Variants in MYO18A observed in about 807,000 individuals in gnomAD.
MYO18A encodes the protein myosin XVIIIA, also known as unconventional myosin-XVIIIa.
A neutral mutation model predicts 235.8 loss-of-function variants in MYO18A; 78 were observed. That is an observed-to-expected ratio of 0.33 (90% CI 0.28 to 0.40). The LOEUF is 0.40. Among genes scored for constraint, MYO18A ranks in the 10% least tolerant of loss-of-function variants. The pLI is 1.00. For missense variants in MYO18A, 2,215 were observed against 2,699.3 expected, an observed-to-expected ratio of 0.82 and a Z score of 3.98; for synonymous variants, 977 against 1,077.8, an observed-to-expected ratio of 0.91 and a Z score of 1.83.
chr17:29,100,589 C>T (rs564077136), intron 21 of MYO18A, among the ~76,000 whole-genome samples: 32 of 152,250 alleles, frequency 2.1e-4, no homozygotes, highest in African/African-American at 6.3e-4. Flanking sequence ...ATTTGCCACA[C>T]GCCACAAAGG....
intron 2 of MYO18A, among the ~76,000 whole-genome samples, chr17:29,134,321 G>A (rs2067542771): frequency 6.6e-6 from 1 of 152,160 alleles, no homozygotes; most frequent in Admixed American, 6.5e-5. Context: ...GACCTCAGGT[G>A]ATCCACCCGC....
rs1395679478 is a variant in MYO18A at position 29,121,886 on chromosome 17, C to T, written c.1159G>A (p.Ala387Thr). The T allele has an allele frequency of 2.5e-6, 4 of 1,613,938 alleles. No homozygotes were observed. The South Asian group carries it at 3.3e-5, about 13-fold the overall frequency. ...TCATCCTCATCCACATCCAGGATGG[C>T]CCCATCGTGGTCCAGCTTCACACGC... is the stretch of plus-strand genomic sequence containing the variant. ...KVRVKLDHDG[A>T]ILDVDEDDVE... The change falls in exon 4 of 42, where the codon GCC becomes ACC. Residue 387 changes from alanine to threonine, a missense_variant. Coordinates refer to ENST00000527372, the MANE Select transcript of MYO18A (RefSeq NM_078471.4). This position sits in a 1 kb window ranked among gnomAD's most constrained non-coding sequence, Gnocchi z 4.2.
chr17:29,078,888 A>C (rs909371129), intron 41 of MYO18A: 10 of 152,306 alleles, frequency 6.6e-5, no homozygotes, highest in Non-Finnish European at 2.9e-5. Flanking sequence ...GAACTTTACA[A>C]GATGAGTAGA....
Position 29,140,403 on chromosome 17 carries a change from C to G in MYO18A, c.1000-18150G>C, listed in dbSNP as rs1381134673. 1.6e-5 allele frequency: 20 copies of G among 1,283,088 alleles called. No homozygotes were observed. The highest frequency in any genetic ancestry group is 1.1e-4 in the East Asian group (2 of 17,520). 79.5% of individuals were successfully genotyped at this position (1,283,088 alleles called of 1,614,324 possible). On this transcript the variant is annotated intron_variant, in intron 2 of 41. Coordinates refer to ENST00000527372, the MANE Select transcript of MYO18A (RefSeq NM_078471.4). This position sits in a 1 kb window ranked among gnomAD's most constrained non-coding sequence, Gnocchi z 4.2. ...CTCCGCTCTGATGCTGCTCTGGCTCCGTTAGCAGCTCAAAATAGCACAGGC... is the reference window on the plus strand; with the variant it reads ...CTCCGCTCTGATGCTGCTCTGGCTCGGTTAGCAGCTCAAAATAGCACAGGC...
chr17:29,092,762 A>T lies in MYO18A; in HGVS notation c.5073+93T>A. ...TTTCCTGTCACTTTCCTTCCCAAGGACTCAAGAACCACTGAGAGGAGCGAG... is the reference window on the plus strand; with the variant it reads ...TTTCCTGTCACTTTCCTTCCCAAGGTCTCAAGAACCACTGAGAGGAGCGAG... On this transcript the variant is annotated intron_variant, in intron 33 of 41. Transcript: ENST00000527372. 5 of 1,508,132 alleles carry T rather than the reference A, an allele frequency of 3.3e-6. No homozygotes were observed. The South Asian group carries it at 6.3e-5, about 19-fold the overall frequency. The allele number at this position is 1,508,132 out of a possible 1,614,324, so 93.4% of individuals were successfully genotyped here.
At position 29,125,833 on chromosome 17, in the gene MYO18A, C is replaced by T. The variant is rs1052556997; in HGVS notation, c.1000-3580G>A. On this transcript the variant is annotated intron_variant, in intron 2 of 41. Coordinates refer to ENST00000527372, the MANE Select transcript of MYO18A (RefSeq NM_078471.4). The surrounding 1 kb of genome is among the most constrained non-coding windows in gnomAD (Gnocchi z 5.1). ...GCCTACAGACACACACAGGGTCCTG[C>T]CGCCAGCCTCAGGAAGAGGGCGGCC... 8 of 897,794 alleles carry T rather than the reference C, an allele frequency of 8.9e-6. No homozygotes were observed. Among genetic ancestry groups the T allele is most frequent in the Non-Finnish European group, 9.3e-6 (7 of 749,084 alleles). The allele number at this position is 897,794 out of a possible 1,614,324, so 55.6% of individuals were successfully genotyped here.
intron 19 of MYO18A, 60 bp from the exon 20 acceptor site, chr17:29,107,249 T>C: frequency 1.3e-6 from 2 of 1,492,364 alleles, no homozygotes; most frequent in Non-Finnish European, 9.3e-7. Flanking sequence ...CACACCCCAG[T>C]AGCCACTGTG....
intron 25 of MYO18A, 48 bp downstream of exon 25, chr17:29,098,057 G>A: frequency 1.9e-6 from 3 of 1,606,114 alleles, no homozygotes; most frequent in Non-Finnish European, 2.5e-6. Context: ...TGGGCACTAG[G>A]GTATGGCAGT....
chr17:29,138,433 GAGGGC>G, intron 2 of MYO18A, among the ~76,000 whole-genome samples: 1 of 152,166 alleles, frequency 6.6e-6, no homozygotes, highest in Non-Finnish European at 1.5e-5. Flanking sequence ...CAGAGGCACA[GAGGGC>G]AGCTCCCAGG....
At chr17:29,115,484 C>A (rs568179971) in intron 12 of MYO18A, 43 bp from the exon 13 acceptor site, 4 of 1,594,676 alleles carry the variant, frequency 2.5e-6, no homozygotes, top group East Asian at 2.3e-5. Context: ...CTCCCCAGGG[C>A]TCCCCATCTG....
chr17:29,116,137 A>G (rs1172070269), intron 11 of MYO18A, among the ~76,000 whole-genome samples: 1 of 152,248 alleles, frequency 6.6e-6, no homozygotes, highest in Non-Finnish European at 1.5e-5. Context: ...GGGATGCCCA[A>G]CTAGGGGAAG....
intron 2 of MYO18A, among the ~76,000 whole-genome samples, chr17:29,154,101 AGTGTGT>A (rs61393170): frequency 6.7e-6 from 1 of 150,288 alleles, no homozygotes; most frequent in Non-Finnish European, 1.5e-5. Flanking sequence ...AATTCTGCAG[AGTGTGT>A]GTGTGTGTGT....
chr17:29,118,315 A>G lies in MYO18A; in HGVS notation c.1893+62T>C. 2 of 1,571,318 alleles carry G rather than the reference A, an allele frequency of 1.3e-6. No individual in the cohort carries two copies. The highest frequency in any genetic ancestry group is 1.1e-5 in the South Asian group (1 of 87,032). On this transcript the variant is annotated intron_variant, in intron 9 of 41. Transcript: ENST00000527372. The surrounding 1 kb of genome is among the most constrained non-coding windows in gnomAD (Gnocchi z 4.2). ...GGCTCCCACTATTCCCACAGGACCC[A>G]TGGAGGCTTCTCCTACCCCCAAGGC...
Position 29,073,812 on chromosome 17 carries a change from G to C in MYO18A, c.*958C>G. The C allele has an allele frequency of 6.5e-7, 1 of 1,549,306 alleles. No individual in the cohort carries two copies. The highest frequency in any genetic ancestry group is 8.8e-7 in the Non-Finnish European group (1 of 1,139,738). On this transcript the variant is annotated 3_prime_UTR_variant, in exon 42 of 42. Transcript: ENST00000527372. ...TGAGGACTCATGTCTAATGAGCACC[G>C]GCCAAAACTTCCATCTTCAGTTTTT... is the stretch of plus-strand genomic sequence containing the variant.
chr17:29,071,496 G>A lies in MYO18A; in HGVS notation c.*3274C>T, dbSNP rs1358961103. The A allele has an allele frequency of 6.6e-6, 1 of 152,246 alleles. No homozygotes were observed. Among genetic ancestry groups the A allele is most frequent in the Non-Finnish European group, 1.5e-5 (1 of 68,060 alleles). 9.4% of individuals were successfully genotyped at this position (152,246 alleles called of 1,614,324 possible). A position where few individuals can be genotyped will look rare whatever the true frequency, so the allele number is the denominator to read the frequency against. On this transcript the variant is annotated 3_prime_UTR_variant, in exon 42 of 42. Coordinates refer to ENST00000527372, the MANE Select transcript of MYO18A (RefSeq NM_078471.4). ...CTGGTCATGTGACAATGCACAGCCA[G>A]CCTGTGGCATGTTCTACCAGCACCT...
chr17:29,143,046 G>A (rs1159234655), intron 2 of MYO18A, among the ~76,000 whole-genome samples: 1 of 152,184 alleles, frequency 6.6e-6, no homozygotes, highest in East Asian at 1.9e-4. Context: ...GACCGCAAGT[G>A]ATCTGCCCGC....
At position 29,164,931 on chromosome 17, in the gene MYO18A, T is replaced by C. The variant is rs114880950; in HGVS notation, c.999+1011A>G. On this transcript the variant is annotated intron_variant, in intron 2 of 41. Transcript: ENST00000527372. ...GTTTTATCCCTCTTGCTTTTCCAGGTCCATGCTTTTTCTCCTTCCAGGAGA... is the reference window on the plus strand; with the variant it reads ...GTTTTATCCCTCTTGCTTTTCCAGGCCCATGCTTTTTCTCCTTCCAGGAGA... Among the ~76,000 whole-genome samples, 347 of 152,290 alleles carry C rather than the reference T, an allele frequency of 2.3e-3. 1 individual carries two copies. The highest frequency in any genetic ancestry group is 7.9e-3 in the African/African-American group (330 of 41,542).
chr17:29,128,217 T>C, intron 2 of MYO18A: 1 of 1,154,984 alleles, frequency 8.7e-7, no homozygotes, highest in South Asian at 1.6e-5. Context: ...GGTGGCGGCT[T>C]GGGACTAGAA....
rs1441434971 is a variant in MYO18A, at chr17:29,140,424, C to A, written c.1000-18171G>T. On this transcript the variant is annotated intron_variant, in intron 2 of 41. Transcript: ENST00000527372. The surrounding 1 kb of genome is among the most constrained non-coding windows in gnomAD (Gnocchi z 4.2). Reference sequence around the variant, plus strand: ...GCTCCGTTAGCAGCTCAAAATAGCACAGGCTGTGGCCCCGCCCAGTTCCCG... The same window carrying A: ...GCTCCGTTAGCAGCTCAAAATAGCAAAGGCTGTGGCCCCGCCCAGTTCCCG... 1.6e-6 allele frequency: 2 copies of A among 1,274,044 alleles called. No individual in the cohort carries two copies. Among genetic ancestry groups the A allele is most frequent in the Non-Finnish European group, 2.0e-6 (2 of 981,414 alleles). The allele number at this position is 1,274,044 out of a possible 1,614,324, so 78.9% of individuals were successfully genotyped here. A position where few individuals can be genotyped will look rare whatever the true frequency, so the allele number is the denominator to read the frequency against.
Sources: gnomAD v4.1 joint callset for allele counts (sites outside exome capture counted in the v4.1 genomes callset) on GRCh38, gnomAD v4.1.1 for gene constraint, Gnocchi (gnomAD v3.1) non-coding constraint, MANE v1.5 for transcripts, NCBI Gene and HGNC (gene_info 2026-07-23, HGNC 2026-07-21) for gene names.